PTCD3: variants seen among roughly 807,000 people sequenced by gnomAD.
PTCD3 encodes the protein pentatricopeptide repeat domain 3.
PTCD3 carries 89 observed loss-of-function variants against 101.9 expected under a neutral mutation model. The observed-to-expected ratio is 0.87, with a 90% CI of 0.74 to 1.04. PTCD3 has a LOEUF of 1.04. Ranked by LOEUF, PTCD3 falls within the 50% of genes least tolerant of loss-of-function variation. The pLI is 0.00. For missense variants in PTCD3, 870 were observed against 828.2 expected (o/e 1.05, Z -0.62); for synonymous variants, 296 against 278.5 (o/e 1.06, Z -0.63).
chr2:86,132,466 AT>A, intron 17 of PTCD3, 42 bp downstream of exon 17: 1 of 1,408,050 alleles, frequency 7.1e-7, no homozygotes, highest in Non-Finnish European at 1.0e-6. Context: ...GAGTTACCAG[AT>A]TCTGCAAGTG....
chr2:86,112,208 C>T (rs13013916), intron 4 of PTCD3: 56,177 of 151,656 alleles, frequency 0.37, 12,841 homozygotes, highest in Non-Finnish European at 0.51. Flanking sequence ...AGGCGCCCGC[C>T]GCCACGCCTG....
At chr2:86,106,661 TA>T (rs772050722) in intron 1 of PTCD3, among the ~76,000 whole-genome samples, 11 of 152,104 alleles carry the variant, frequency 7.2e-5, no homozygotes, top group Non-Finnish European at 1.6e-4. Context: ...TACCCCAAAT[TA>T]AAAATTATCC....
chr2:86,131,305 C>CT (rs1200707374), intron 16 of PTCD3, among the ~76,000 whole-genome samples, 199 bp downstream of exon 16: 2 of 152,078 alleles, frequency 1.3e-5, no homozygotes, highest in South Asian at 2.1e-4. Flanking sequence ...AGTGCAGTGG[C>CT]TCACCGCAAC....
intron 16 of PTCD3, 104 bp downstream of exon 16, chr2:86,131,210 C>T (rs1674488693): frequency 2.3e-6 from 2 of 853,410 alleles, no homozygotes; most frequent in Admixed American, 7.2e-5. Context: ...CTGTTCATGT[C>T]TTTGCTTCTG....
chr2:86,108,304 T>C (rs756490280), intron 1 of PTCD3, 46 bp from the exon 2 acceptor site: 2 of 1,581,514 alleles, frequency 1.3e-6, no homozygotes, highest in Non-Finnish European at 1.7e-6. Context: ...GTGAGCTGGG[T>C]ACTTCATTAA....
Position 86,137,942 on chromosome 2 carries a change from G to T in PTCD3, c.*383G>T. On this transcript the variant is annotated 3_prime_UTR_variant, in exon 24 of 24. Coordinates refer to ENST00000254630, the MANE Select transcript of PTCD3 (RefSeq NM_017952.6). ...GGACTTCTGCCTTTGTTGGCCTGAT[G>T]TGCTGCTGTGATGCTGGTCCTTCAT... The T allele has an allele frequency of 4.6e-6, 1 of 219,384 alleles. No individual in the cohort carries two copies. The highest frequency in any genetic ancestry group is 9.4e-6 in the Non-Finnish European group (1 of 106,166). 13.6% of individuals were successfully genotyped at this position (219,384 alleles called of 1,614,324 possible).
intron 4 of PTCD3, among the ~76,000 whole-genome samples, chr2:86,112,723 A>C (rs1234614958): frequency 2.0e-5 from 3 of 151,962 alleles, no homozygotes; most frequent in Admixed American, 6.6e-5. Flanking sequence ...AAAATTATCA[A>C]ATCCCTTTAT....
rs753572931 is a variant in PTCD3 at position 86,130,639 on chromosome 2, G to T, written c.1148-9G>T. ...GTGGATTAAACACATTTGCTTTCTT[G>T]TTCTGCAGGAGACCCTTTAAAGAGA... On this transcript the variant is annotated splice_polypyrimidine_tract_variant and intron_variant, in intron 14 of 23. Transcript: ENST00000254630. 1.2e-6 allele frequency: 2 copies of T among 1,606,402 alleles called. No homozygotes were observed. The highest frequency in any genetic ancestry group is 2.2e-5 in the East Asian group (1 of 44,576).
rs1466862574 is a variant in PTCD3 at position 86,125,866 on chromosome 2, T to C, written c.937T>C (p.Trp313Arg). ...GATAAATGAGAAATTTGAGGAAAAA[T>C]GGAGTAAAATACTGGTAAGGAGGAA... ...CAINEKFEEK[W>R]SKILELLRHM... The change falls in exon 12 of 24, where the codon TGG becomes CGG. Residue 313 changes from tryptophan to arginine, a missense_variant. Transcript: ENST00000254630. The C allele has an allele frequency of 1.9e-6, 3 of 1,600,058 alleles. No individual in the cohort carries two copies. Among genetic ancestry groups the C allele is most frequent in the Admixed American group, 3.3e-5 (2 of 59,944 alleles).
chr2:86,134,940 C>T lies in PTCD3; in HGVS notation c.1731C>T (p.Asn577=). 1.2e-6 allele frequency: 2 copies of T among 1,614,192 alleles called. No individual in the cohort carries two copies. Among genetic ancestry groups the T allele is most frequent in the Middle Eastern group, 1.6e-4 (1 of 6,062 alleles). The change falls in exon 21 of 24, where the codon AAC becomes AAT. Residue 577 remains asparagine, a synonymous_variant. Transcript: ENST00000254630. The part of the protein sequence containing the change: ...TAQDWPATSL[N]CIAILFLRAG... ...AGGATTGGCCAGCCACCTCTCTCAACTGTATAGCTATCCTCTTTTTAAGGG... is the reference window on the plus strand; with the variant it reads ...AGGATTGGCCAGCCACCTCTCTCAATTGTATAGCTATCCTCTTTTTAAGGG...
chr2:86,137,361 C>T lies in PTCD3; in HGVS notation c.1980-108C>T, dbSNP rs1240278772. ...ATAGTTTAATGCAACTGCAGGGTCCCTTTTTCTGATTTCAAAACTGACAGG... is the reference window on the plus strand; with the variant it reads ...ATAGTTTAATGCAACTGCAGGGTCCTTTTTTCTGATTTCAAAACTGACAGG... On this transcript the variant is annotated intron_variant, in intron 23 of 23. Transcript: ENST00000254630. The T allele has an allele frequency of 3.4e-6, 5 of 1,487,024 alleles. No homozygotes were observed. The Admixed American group carries it at 1.2e-4, about 35-fold the overall frequency. The allele number at this position is 1,487,024 out of a possible 1,614,324, so 92.1% of individuals were successfully genotyped here.
At chr2:86,136,158 T>C (rs1017916159) in intron 21 of PTCD3, among the ~76,000 whole-genome samples, 2 of 152,236 alleles carry the variant, frequency 1.3e-5, no homozygotes, top group African/African-American at 2.4e-5. Context: ...AGAGGACAAA[T>C]ACAGTTGGAG....
In PTCD3 at chr2:86,117,139, A is replaced by G. The variant is rs1674190881; in HGVS notation, c.394A>G (p.Ile132Val). The G allele has an allele frequency of 2.3e-6, 3 of 1,310,798 alleles. No individual in the cohort carries two copies. The highest frequency in any genetic ancestry group is 2.2e-6 in the Non-Finnish European group (2 of 903,968). 81.2% of individuals were successfully genotyped at this position (1,310,798 alleles called of 1,614,324 possible). A position where few individuals can be genotyped will look rare whatever the true frequency, so the allele number is the denominator to read the frequency against. ...NSYPKYFQKD[I>V]AEPHIPCLMP... ...ATACCCCAAATATTTTCAGAAGGAC[A>G]TAGCTGAACCTCATATACCGGTAAG... The change falls in exon 6 of 24, where the codon ATA (isoleucine) becomes GTA (valine). Residue 132 changes from isoleucine (I) to valine (V), a missense_variant. Transcript: ENST00000254630.
At chr2:86,124,441 A>G (rs1164256054) in intron 9 of PTCD3, among the ~76,000 whole-genome samples, 6 of 152,216 alleles carry the variant, frequency 3.9e-5, no homozygotes, top group African/African-American at 1.4e-4. Context: ...CCTGGCCAAC[A>G]TGGTGAAACC....
intron 14 of PTCD3, 59 bp downstream of exon 14, chr2:86,128,050 T>G: frequency 7.6e-7 from 1 of 1,318,336 alleles, no homozygotes; most frequent in Non-Finnish European, 1.1e-6. Flanking sequence ...TTTCTTGAGT[T>G]TATGTGATTA....
Position 86,108,685 on chromosome 2 carries a change from A to C in PTCD3, c.194+149A>C, listed in dbSNP as rs577766944. On this transcript the variant is annotated intron_variant, in intron 3 of 23. Transcript: ENST00000254630. ...TGAGCGGGGAGAAGCTAGGAGTTTA[A>C]AGGACAAAAAATGGAAAGGTGGAGA... 4 of 716,598 alleles carry C rather than the reference A, an allele frequency of 5.6e-6. No individual in the cohort carries two copies. In the East Asian group the frequency reaches 8.4e-5, roughly 15 times the overall value. The allele number at this position is 716,598 out of a possible 1,614,324, so 44.4% of individuals were successfully genotyped here.
At position 86,115,850 on chromosome 2, in the gene PTCD3, T is replaced by C. The variant is rs1674167256; in HGVS notation, c.241-680T>C. Among the ~76,000 whole-genome samples the C allele has an allele frequency of 2.0e-5, 3 of 152,142 alleles. 1 individual carries two copies. Among genetic ancestry groups the C allele is most frequent in the Admixed American group, 2.0e-4 (3 of 15,268 alleles). On this transcript the variant is annotated intron_variant, in intron 4 of 23. Coordinates refer to ENST00000254630, the MANE Select transcript of PTCD3 (RefSeq NM_017952.6). ...TCATTCCTCAGAGGGCACGGTGATA[T>C]CTTCCATTTGGAGGAGGGACTCTTG... is the stretch of plus-strand genomic sequence containing the variant.
chr2:86,127,142 T>C lies in PTCD3; in HGVS notation c.952-19T>C, dbSNP rs1489401005. On this transcript the variant is annotated intron_variant, in intron 12 of 23. Transcript: ENST00000254630. ...ATTACCCAGGCATGAAAGATACTTC[T>C]TGTTTTTTATTCACCTAGGAGCTGC... The C allele has an allele frequency of 6.3e-7, 1 of 1,594,854 alleles. No homozygotes were observed. The highest frequency in any genetic ancestry group is 8.5e-7 in the Non-Finnish European group (1 of 1,171,164).
At chr2:86,109,102 A>G (rs57817729) in intron 3 of PTCD3, among the ~76,000 whole-genome samples, 2 of 151,872 alleles carry the variant, frequency 1.3e-5, no homozygotes, top group African/African-American at 4.9e-5. Context: ...TCTTAAAATT[A>G]TGTGACCTAA....
Sources: allele counts gnomAD v4.1 joint callset (sites outside exome capture counted in the v4.1 genomes callset), GRCh38; gene constraint gnomAD v4.1.1; transcripts MANE v1.5; gene names NCBI Gene and HGNC (gene_info 2026-07-23, HGNC 2026-07-21).